Variants in MPDZ observed in about 807,000 individuals in gnomAD.
MPDZ encodes multiple PDZ domain crumbs cell polarity complex component.
A neutral mutation model predicts 239.1 loss-of-function variants in MPDZ; 234 were observed. The observed-to-expected ratio is 0.98, with a 90% CI of 0.88 to 1.09. The LOEUF is 1.09. Among genes scored for constraint, MPDZ ranks in the 50% least tolerant of loss-of-function variants. MPDZ has a pLI of 0.00. For missense variants in MPDZ, 3,175 were observed against 2,510.0 expected, an observed-to-expected ratio of 1.26 and a Z score of -5.66; for synonymous variants, 1,048 against 881.3, an observed-to-expected ratio of 1.19 and a Z score of -3.35.
At chr9:13,107,379 A>C (rs979994942) in intron 46 of MPDZ, among the ~76,000 whole-genome samples, 10 of 152,360 alleles carry the variant, frequency 6.6e-5, no homozygotes, top group African/African-American at 1.9e-4. Flanking sequence ...TGTTCAGCAC[A>C]GCAGTTGGTG....
At chr9:13,181,604 G>A (rs1016663856) in intron 19 of MPDZ, among the ~76,000 whole-genome samples, 1 of 152,106 alleles carries the variant, frequency 6.6e-6, no homozygotes, top group Admixed American at 6.6e-5. Flanking sequence ...TGATAAACGA[G>A]CTTGCCAAAA....
At chr9:13,168,683 TA>T in intron 21 of MPDZ, 119 bp from the exon 22 acceptor site, 2 of 788,128 alleles carry the variant, frequency 2.5e-6, no homozygotes, top group South Asian at 2.2e-5. Context: ...TTTCAGTCAA[TA>T]AAAAGCATAG....
chr9:13,241,271 A>G (rs769454108), intron 3 of MPDZ, among the ~76,000 whole-genome samples: 15 of 152,232 alleles, frequency 9.9e-5, no homozygotes, highest in Non-Finnish European at 2.1e-4. Flanking sequence ...AGAAATAGAT[A>G]CTTTGCTGTC....
intron 1 of MPDZ, among the ~76,000 whole-genome samples, chr9:13,263,351 T>G (rs1010338177): frequency 6.7e-6 from 1 of 149,496 alleles, no homozygotes; most frequent in Non-Finnish European, 1.5e-5. Context: ...GGACTAGAGA[T>G]GATTAGTGCA....
chr9:13,249,166 T>C (rs189616406), intron 2 of MPDZ, among the ~76,000 whole-genome samples: 1 of 151,530 alleles, frequency 6.6e-6, no homozygotes, highest in Admixed American at 6.6e-5. Flanking sequence ...TTTACTCATA[T>C]GCAGAATTTT....
At chr9:13,124,792 C>G (rs1944881248) in intron 35 of MPDZ, among the ~76,000 whole-genome samples, 1 of 152,030 alleles carries the variant, frequency 6.6e-6, no homozygotes, top group South Asian at 2.1e-4. Flanking sequence ...ATCCATTCTA[C>G]AGAAAAGAAA....
rs767694605 is a variant in MPDZ at position 13,158,061 on chromosome 9, C to T, written c.3409G>A (p.Glu1137Lys). 5.0e-6 allele frequency: 8 copies of T among 1,612,754 alleles called. No individual in the cohort carries two copies. Among genetic ancestry groups the T allele is most frequent in the Admixed American group, 3.3e-5 (2 of 59,920 alleles). Residue 1137 changes from glutamate to lysine, a missense_variant, in exon 24 of 47, where the codon GAA becomes AAA. Transcript: ENST00000319217. ...EREEGEGEESELQNTAYSNWN... is the reference protein window; with the variant it reads ...EREEGEGEESKLQNTAYSNWN... ...TTGCTATATGCTGTGTTTTGAAGTT[C>T]GCTTTCTTCACCCTCTCCCTCTTCT... is the stretch of plus-strand genomic sequence containing the variant.
chr9:13,166,002 T>C (rs1305731458), intron 22 of MPDZ, among the ~76,000 whole-genome samples: 1 of 152,120 alleles, frequency 6.6e-6, no homozygotes, highest in Non-Finnish European at 1.5e-5. Flanking sequence ...GTGCATTCTC[T>C]CAATAAGCAA....
At chr9:13,124,431 C>T (rs1265482871) in intron 35 of MPDZ, among the ~76,000 whole-genome samples, 2 of 152,128 alleles carry the variant, frequency 1.3e-5, no homozygotes, top group Admixed American at 1.3e-4. Flanking sequence ...AGTTTGGAGG[C>T]CAAAAGAAAT....
intron 21 of MPDZ, among the ~76,000 whole-genome samples, chr9:13,168,949 A>T: frequency 6.6e-6 from 1 of 152,166 alleles, no homozygotes; most frequent in East Asian, 1.9e-4. Flanking sequence ...TACAAAAGGA[A>T]AATTCATCAT....
chr9:13,198,060 G>T (rs1955877156), intron 12 of MPDZ, among the ~76,000 whole-genome samples: 1 of 151,996 alleles, frequency 6.6e-6, no homozygotes, highest in African/African-American at 2.4e-5. Context: ...TGAACATAGG[G>T]GTACGGATAT....
At chr9:13,114,063 A>G (rs1394733512) in intron 40 of MPDZ, 42 bp from the exon 41 acceptor site, 1 of 1,422,396 alleles carries the variant, frequency 7.0e-7, no homozygotes, top group South Asian at 1.2e-5. Flanking sequence ...TTTGCAAGTA[A>G]CATACTCCCT....
intron 10 of MPDZ, among the ~76,000 whole-genome samples, chr9:13,211,175 G>T (rs558724621): frequency 2.6e-5 from 4 of 152,052 alleles, no homozygotes; most frequent in South Asian, 4.1e-4. Flanking sequence ...AACTGTGTCT[G>T]ATTATTTTGA....
intron 38 of MPDZ, 168 bp from the exon 39 acceptor site, chr9:13,119,817 A>C (rs909036626): frequency 2.9e-5 from 20 of 690,876 alleles, no homozygotes; most frequent in Admixed American, 1.0e-4. Context: ...TTTTTTGATA[A>C]ATAACAGCTT....
At chr9:13,135,699 C>T (rs7867993) in intron 31 of MPDZ, 69,991 of 155,404 alleles carry the variant, frequency 0.45, 18,842 homozygotes, top group African/African-American at 0.76. Flanking sequence ...TGATGCTCTA[C>T]AATTTAGCTT....
At chr9:13,124,521 C>G (rs372217128) in intron 35 of MPDZ, among the ~76,000 whole-genome samples, 88 of 152,204 alleles carry the variant, frequency 5.8e-4, no homozygotes, top group African/African-American at 1.6e-3. Flanking sequence ...GAGCTTGAAA[C>G]TGTTTTATTA....
At chr9:13,248,519 A>G (rs1966940252) in intron 2 of MPDZ, among the ~76,000 whole-genome samples, 1 of 152,180 alleles carries the variant, frequency 6.6e-6, no homozygotes, top group South Asian at 2.1e-4. Flanking sequence ...ATAGTTAAAA[A>G]CCTTTCCCTG....
intron 8 of MPDZ, among the ~76,000 whole-genome samples, chr9:13,218,897 C>G (rs1483679146): frequency 6.6e-6 from 1 of 151,808 alleles, no homozygotes; most frequent in East Asian, 1.9e-4. Flanking sequence ...TTGAAATTCT[C>G]TAGCTTTTTT....
Position 13,168,439 on chromosome 9 carries a change from A to C in MPDZ, c.3181T>G (p.Ser1061Ala). Residue 1061 changes from serine (S) to alanine (A), a missense_variant, in exon 22 of 47, where the codon TCT (serine) becomes GCT (alanine). Physicochemically the swap from Ser to Ala is moderately conservative, Grantham distance 99 (BLOSUM62 1). Transcript: ENST00000319217. The part of the protein sequence containing the change: ...GDCILSINEE[S>A]TISVTNAQAR... ...TGGGCATTGGTTACACTGATGGTAG[A>C]CTCTTCATTAATGGACAAGATGCAG... The C allele has an allele frequency of 6.2e-7, 1 of 1,613,418 alleles. No individual in the cohort carries two copies. Among genetic ancestry groups the C allele is most frequent in the Non-Finnish European group, 8.5e-7 (1 of 1,179,558 alleles).
Sources: allele counts gnomAD v4.1 joint callset (sites outside exome capture counted in the v4.1 genomes callset), GRCh38; gene constraint gnomAD v4.1.1; transcripts MANE v1.5; gene names NCBI Gene and HGNC (gene_info 2026-07-23, HGNC 2026-07-21).